TM9SF3: variants seen among roughly 807,000 people sequenced by gnomAD.
TM9SF3 encodes the protein SM-11044-binding protein.
In TM9SF3, 14 loss-of-function variants were observed where a neutral mutation model predicts 78.6. The ratio of observed to expected loss-of-function variants is 0.18; its 90% confidence interval spans 0.12 to 0.28. The LOEUF (loss-of-function observed/expected upper bound fraction) is 0.28. Among genes scored for constraint, TM9SF3 ranks in the 10% least tolerant of loss-of-function variants. The probability of loss-of-function intolerance (pLI) is 1.00; values close to 1 mark genes in which losing one functional copy is unlikely to be tolerated. For missense variants in TM9SF3, 496 were observed against 721.9 expected, an observed-to-expected ratio of 0.69 and a Z score of 3.59; for synonymous variants, 231 against 241.7, an observed-to-expected ratio of 0.96 and a Z score of 0.41.
chr10:96,586,892 T>G lies in TM9SF3; in HGVS notation c.-57A>C, dbSNP rs1062176. ...ACCGACTCCTCCTCCCGCCGCCGCC[T>G]CCTCCGCCGCCGCCGCCTCCGCCGC... is the stretch of plus-strand genomic sequence containing the variant. On this transcript the variant is annotated 5_prime_UTR_variant, in exon 1 of 15. Coordinates refer to ENST00000371142, the MANE Select transcript of TM9SF3 (RefSeq NM_020123.4). 0.16 allele frequency: 173,202 copies of G among 1,110,980 alleles called. 15,955 individuals carry two copies. Among genetic ancestry groups the G allele is most frequent in the Admixed American group, 0.3 (6,178 of 20,676 alleles). The allele number at this position is 1,110,980 out of a possible 1,614,324, so 68.8% of individuals were successfully genotyped here.
intron 2 of TM9SF3, among the ~76,000 whole-genome samples, chr10:96,565,830 C>T (rs897710865): frequency 1.3e-5 from 2 of 152,034 alleles, no homozygotes; most frequent in Non-Finnish European, 2.9e-5. Context: ...CCATTTGTAG[C>T]TATAAGATCT....
intron 9 of TM9SF3, among the ~76,000 whole-genome samples, chr10:96,541,857 C>G (rs1004495731): frequency 9.9e-5 from 15 of 152,196 alleles, no homozygotes; most frequent in Non-Finnish European, 2.2e-4. Flanking sequence ...GTAGTGGTAC[C>G]TGGCTTCTCA....
At position 96,586,955 on chromosome 10, in the gene TM9SF3, G is replaced by A. The variant is rs1848642177; in HGVS notation, c.-120C>T. 3.7e-6 allele frequency: 3 copies of A among 803,154 alleles called. No homozygotes were observed. The highest frequency in any genetic ancestry group is 4.8e-6 in the Non-Finnish European group (3 of 627,986). The allele number at this position is 803,154 out of a possible 1,614,324, so 49.8% of individuals were successfully genotyped here. A position where few individuals can be genotyped will look rare whatever the true frequency, so the allele number is the denominator to read the frequency against. On this transcript the variant is annotated 5_prime_UTR_variant, in exon 1 of 15. Transcript: ENST00000371142. ...TCCACGGGGCGCGGACAGACGCACG[G>A]GGCCCGGCCCAGCCGCTGCCTCCTC...
At chr10:96,586,226 G>A (rs914301919) in intron 1 of TM9SF3, among the ~76,000 whole-genome samples, 3 of 152,154 alleles carry the variant, frequency 2.0e-5, no homozygotes, top group African/African-American at 4.8e-5. Flanking sequence ...ATCCGGTCTG[G>A]GCAGAAGCGG....
chr10:96,523,906 G>A (rs913585250), intron 14 of TM9SF3, among the ~76,000 whole-genome samples: 5 of 151,860 alleles, frequency 3.3e-5, no homozygotes, highest in African/African-American at 1.2e-4. Context: ...GTCATTGCAA[G>A]TGTGGTAAAT....
chr10:96,561,327 TTAG>T (rs1848306417), intron 4 of TM9SF3, among the ~76,000 whole-genome samples: 1 of 152,216 alleles, frequency 6.6e-6, no homozygotes, highest in Non-Finnish European at 1.5e-5. Context: ...TTCATTAAGT[TTAG>T]TTATATAAGG....
At chr10:96,556,761 C>T (rs943606365) in intron 5 of TM9SF3, among the ~76,000 whole-genome samples, 3 of 152,018 alleles carry the variant, frequency 2.0e-5, no homozygotes, top group African/African-American at 4.8e-5. Context: ...CCATAATTGC[C>T]GTCTCCAATT....
intron 3 of TM9SF3, among the ~76,000 whole-genome samples, chr10:96,564,725 T>C (rs1267188822): frequency 6.6e-6 from 1 of 152,202 alleles, no homozygotes; most frequent in African/African-American, 2.4e-5. Context: ...ATATTGGCCA[T>C]GACAGCTGGC....
At chr10:96,536,623 A>C (rs960536764) in intron 9 of TM9SF3, among the ~76,000 whole-genome samples, 1 of 152,176 alleles carries the variant, frequency 6.6e-6, no homozygotes, top group African/African-American at 2.4e-5. Flanking sequence ...GTTCAAGTCC[A>C]CTTACAAGTG....
At chr10:96,526,834 T>C (rs1847843168) in intron 14 of TM9SF3, among the ~76,000 whole-genome samples, 1 of 152,082 alleles carries the variant, frequency 6.6e-6, no homozygotes, top group Non-Finnish European at 1.5e-5. Flanking sequence ...CATCATGATC[T>C]TCCATTGAAC....
chr10:96,579,145 T>G (rs1381800966), intron 1 of TM9SF3, among the ~76,000 whole-genome samples: 1 of 152,198 alleles, frequency 6.6e-6, no homozygotes, highest in East Asian at 1.9e-4. Context: ...ACTGAAGAAA[T>G]GCTGAAATGT....
Position 96,519,101 on chromosome 10 carries a change from TTTTG to T in TM9SF3, c.*3158_*3161del, listed in dbSNP as rs1328113178. The T allele has an allele frequency of 1.3e-5, 2 of 152,084 alleles. No homozygotes were observed. The highest frequency in any genetic ancestry group is 2.9e-5 in the Non-Finnish European group (2 of 67,918). The allele number at this position is 152,084 out of a possible 1,614,324, so 9.4% of individuals were successfully genotyped here. A position where few individuals can be genotyped will look rare whatever the true frequency, so the allele number is the denominator to read the frequency against. On this transcript the variant is annotated 3_prime_UTR_variant, in exon 15 of 15. Coordinates refer to ENST00000371142, the MANE Select transcript of TM9SF3 (RefSeq NM_020123.4). ...TCCTGAACAAATACATTAATACACT[TTTTG>T]TTTTTTACATTTGTAAAAATTCAAG...
At chr10:96,571,813 C>T (rs1848439182) in intron 2 of TM9SF3, among the ~76,000 whole-genome samples, 1 of 152,176 alleles carries the variant, frequency 6.6e-6, no homozygotes, top group South Asian at 2.1e-4. Context: ...CTGTAGAAGT[C>T]ACTGATTTTT....
chr10:96,543,344 C>CGTTTTTTTT (rs10646607), intron 9 of TM9SF3, among the ~76,000 whole-genome samples: 1 of 136,894 alleles, frequency 7.3e-6, no homozygotes, highest in Admixed American at 7.6e-5. Flanking sequence ...TAGTGAGATT[C>CGTTTTTTTT]TTTTTTTTGA....
chr10:96,528,373 T>A (rs185003516), intron 11 of TM9SF3, among the ~76,000 whole-genome samples, 196 bp from the exon 12 acceptor site: 2 of 152,262 alleles, frequency 1.3e-5, no homozygotes, highest in Admixed American at 1.3e-4. Flanking sequence ...TTTTCTTGGA[T>A]AATCTTTGAA....
In TM9SF3 at chr10:96,565,242, C is replaced by T. The variant is rs1411950290; in HGVS notation, c.421+62G>A. ...CAGTACACAATCACCTTAACAGAGTCATTTTATAAATTCTGATTATGCAAA... is the reference window on the plus strand; with the variant it reads ...CAGTACACAATCACCTTAACAGAGTTATTTTATAAATTCTGATTATGCAAA... On this transcript the variant is annotated intron_variant, in intron 3 of 14. Coordinates refer to ENST00000371142, the MANE Select transcript of TM9SF3 (RefSeq NM_020123.4). 5.0e-6 allele frequency: 7 copies of T among 1,402,974 alleles called. No homozygotes were observed. In the African/African-American group the frequency reaches 1.1e-4, roughly 21 times the overall value. The allele number at this position is 1,402,974 out of a possible 1,614,324, so 86.9% of individuals were successfully genotyped here. A position where few individuals can be genotyped will look rare whatever the true frequency, so the allele number is the denominator to read the frequency against.
intron 5 of TM9SF3, among the ~76,000 whole-genome samples, chr10:96,553,929 CA>C (rs1397317492): frequency 6.6e-6 from 1 of 152,140 alleles, no homozygotes; most frequent in African/African-American, 2.4e-5. Flanking sequence ...GGATAGTCCC[CA>C]AATTTCTCTC....
intron 1 of TM9SF3, among the ~76,000 whole-genome samples, chr10:96,585,530 T>G (rs1313805863): frequency 1.3e-5 from 2 of 152,208 alleles, no homozygotes; most frequent in African/African-American, 4.8e-5. Context: ...AATACATACC[T>G]ACACAGGTAA....
intron 5 of TM9SF3, among the ~76,000 whole-genome samples, chr10:96,558,969 T>A (rs1848269991): frequency 6.6e-6 from 1 of 152,170 alleles, no homozygotes; most frequent in South Asian, 2.1e-4. Flanking sequence ...ATTTTTGCTA[T>A]AAAGAATCAA....
Sources: gnomAD v4.1 joint callset for allele counts (sites outside exome capture counted in the v4.1 genomes callset) on GRCh38, gnomAD v4.1.1 for gene constraint, MANE v1.5 for transcripts, NCBI Gene and HGNC (gene_info 2026-07-23, HGNC 2026-07-21) for gene names.